The following FIRRM variants were observed in gnomAD, a reference collection of about 807,000 sequenced individuals.
FIRRM encodes the protein FIGNL1 interacting regulator of recombination and mitosis.
the FIRRM span, chr1:169,849,863 GAC>G: frequency 4.0e-6 from 2 of 499,998 alleles, no homozygotes; most frequent in Non-Finnish European, 7.1e-6. Flanking sequence ...GACAGACACA[GAC>G]ACAGTCTTCC....
chr1:169,800,391 A>G, the FIRRM span, among the ~76,000 whole-genome samples: 1 of 152,154 alleles, frequency 6.6e-6, no homozygotes, highest in Non-Finnish European at 1.5e-5. Context: ...TATAGAAGTG[A>G]TTCATGTTCA....
At chr1:169,800,219 A>G in the FIRRM span, among the ~76,000 whole-genome samples, 7 of 151,786 alleles carry the variant, frequency 4.6e-5, no homozygotes, top group African/African-American at 1.7e-4. Flanking sequence ...TTATATATTT[A>G]TTTTTTGGTA....
chr1:169,833,562 G>C, the FIRRM span, among the ~76,000 whole-genome samples: 1 of 152,190 alleles, frequency 6.6e-6, no homozygotes, highest in Non-Finnish European at 1.5e-5. Flanking sequence ...TGCAAAACAG[G>C]ATAGTGCTGG....
chr1:169,810,274 A>G, the FIRRM span, among the ~76,000 whole-genome samples: 1 of 152,240 alleles, frequency 6.6e-6, no homozygotes, highest in Admixed American at 6.5e-5. Context: ...TAAAACCAGT[A>G]GATTTAATTA....
the FIRRM span, chr1:169,806,072 TG>T: frequency 1.3e-6 from 2 of 1,589,606 alleles, no homozygotes; most frequent in Non-Finnish European, 1.7e-6. Flanking sequence ...TGCCAATACT[TG>T]GAAGTTTATA....
At chr1:169,838,625 G>C in the FIRRM span, among the ~76,000 whole-genome samples, 1 of 152,054 alleles carries the variant, frequency 6.6e-6, no homozygotes, top group African/African-American at 2.4e-5. Context: ...GAGCAGCTGG[G>C]ATTACAGGCA....
chr1:169,849,077 T>C, the FIRRM span, among the ~76,000 whole-genome samples: 311 of 152,270 alleles, frequency 2.0e-3, no homozygotes, highest in African/African-American at 7.1e-3. Flanking sequence ...TAAATGGTGG[T>C]GAGTGCTATG....
At chr1:169,833,945 C>T in the FIRRM span, among the ~76,000 whole-genome samples, 2 of 149,436 alleles carry the variant, frequency 1.3e-5, no homozygotes, top group African/African-American at 2.5e-5. Context: ...CCTGCCTCGG[C>T]GTCCCAAAGT....
the FIRRM span, chr1:169,830,445 C>T: frequency 1.8e-6 from 2 of 1,082,500 alleles, no homozygotes; most frequent in Non-Finnish European, 2.7e-6. Flanking sequence ...TTCAATAATC[C>T]TTTAAAAATA....
chr1:169,810,422 C>T, the FIRRM span, among the ~76,000 whole-genome samples: 6 of 151,896 alleles, frequency 4.0e-5, no homozygotes, highest in African/African-American at 1.5e-4. Context: ...GGCAGAAGTT[C>T]ACAGTGTGTC....
chr1:169,798,761 GT>G, the FIRRM span: 11 of 371,768 alleles, frequency 3.0e-5, no homozygotes, highest in African/African-American at 2.3e-4. Context: ...TAAATCTTAA[GT>G]TTTTAAAAGC....
the FIRRM span, chr1:169,842,400 C>T: frequency 1.2e-6 from 2 of 1,606,230 alleles, no homozygotes; most frequent in East Asian, 2.2e-5. Flanking sequence ...AAGTCCTTTC[C>T]TGTTTCTGTC....
At chr1:169,827,512 C>T in the FIRRM span, among the ~76,000 whole-genome samples, 2 of 152,084 alleles carry the variant, frequency 1.3e-5, no homozygotes, top group Admixed American at 1.3e-4. Context: ...GTGGCATGTA[C>T]CTATAGTCCC....
the FIRRM span, among the ~76,000 whole-genome samples, chr1:169,829,833 G>A: frequency 6.6e-6 from 1 of 152,128 alleles, no homozygotes; most frequent in Non-Finnish European, 1.5e-5. Context: ...CTAGGAATTC[G>A]ATACTTGTAA....
the FIRRM span, among the ~76,000 whole-genome samples, chr1:169,825,665 C>T: frequency 6.6e-6 from 1 of 152,182 alleles, no homozygotes; most frequent in Non-Finnish European, 1.5e-5. Context: ...CTCACAGTAA[C>T]TCAGAATCAA....
At chr1:169,801,247 A>G in the FIRRM span, among the ~76,000 whole-genome samples, 1 of 151,920 alleles carries the variant, frequency 6.6e-6, no homozygotes. Flanking sequence ...GTTCGAGACC[A>G]CCCATGGTCA....
the FIRRM span, among the ~76,000 whole-genome samples, chr1:169,845,686 T>TCTTCC: frequency 1.4e-5 from 1 of 69,562 alleles, no homozygotes; most frequent in Non-Finnish European, 2.9e-5. Flanking sequence ...AAGCAACTCC[T>TCTTCC]CTTCAAGTTT....
chr1:169,833,316 T>G, the FIRRM span, among the ~76,000 whole-genome samples: 7 of 152,130 alleles, frequency 4.6e-5, no homozygotes, highest in Non-Finnish European at 1.0e-4. Flanking sequence ...CTCAATAATT[T>G]GTTTTTGTTG....
chr1:169,848,931 G>A, the FIRRM span, among the ~76,000 whole-genome samples: 1 of 152,208 alleles, frequency 6.6e-6, no homozygotes, highest in Non-Finnish European at 1.5e-5. Flanking sequence ...ATCCATTCGG[G>A]AAAGATTACG....
Sources: gnomAD v4.1 joint callset for allele counts (sites outside exome capture counted in the v4.1 genomes callset) on GRCh38, gnomAD v4.1.1 for gene constraint, MANE v1.5 for transcripts, NCBI Gene and HGNC (gene_info 2026-07-23, HGNC 2026-07-21) for gene names.